The following SCLT1 variants were observed in gnomAD, a reference collection of about 807,000 sequenced individuals.
The protein encoded by SCLT1 is sodium channel-associated protein 1.
A neutral mutation model predicts 112.8 loss-of-function variants in SCLT1; 78 were observed. The observed-to-expected ratio is 0.69, with a 90% CI of 0.58 to 0.83. The LOEUF is 0.83. Among genes scored for constraint, SCLT1 ranks in the 40% least tolerant of loss-of-function variants. SCLT1 has a pLI of 0.00. For missense variants in SCLT1, 747 were observed against 770.4 expected (o/e 0.97, Z 0.36); for synonymous variants, 257 against 254.7 (o/e 1.01, Z -0.09).
At chr4:128,910,419 TGAG>T (rs1735003428) in intron 18 of SCLT1, among the ~76,000 whole-genome samples, 1 of 152,258 alleles carries the variant, frequency 6.6e-6, no homozygotes, top group Non-Finnish European at 1.5e-5. Flanking sequence ...TTTGAACCAC[TGAG>T]TTCACATACT....
intron 5 of SCLT1, 122 bp downstream of exon 5, chr4:129,038,919 A>C (rs1747427041): frequency 2.9e-6 from 2 of 685,718 alleles, no homozygotes; most frequent in Non-Finnish European, 5.2e-6. Context: ...AGTCAAATAG[A>C]AAATCAGCCC....
Position 128,999,814 on chromosome 4 carries a change from A to T in SCLT1, c.427-20T>A, listed in dbSNP as rs13118479. ...TTTTTCCTATTAAAAAAGTTTGATA[A>T]CTCATTAAATTATCAGCAGGCTATT... is the stretch of plus-strand genomic sequence containing the variant. On this transcript the variant is annotated intron_variant, in intron 6 of 20. Transcript: ENST00000281142. 110,205 of 1,571,004 alleles carry T rather than the reference A, an allele frequency of 0.07. 4,632 individuals are homozygous for T. Among genetic ancestry groups the T allele is most frequent in the Middle Eastern group, 0.13 (768 of 5,900 alleles).
intron 5 of SCLT1, among the ~76,000 whole-genome samples, chr4:129,008,281 C>G (rs1045149155): frequency 5.3e-5 from 8 of 152,166 alleles, no homozygotes; most frequent in African/African-American, 1.2e-4. Context: ...TCTTGAAGAA[C>G]ATTTCGCTGA....
chr4:129,044,438 A>T (rs1411489516), intron 2 of SCLT1, among the ~76,000 whole-genome samples: 1 of 152,064 alleles, frequency 6.6e-6, no homozygotes, highest in Admixed American at 6.6e-5. Flanking sequence ...ATACACGAAA[A>T]GTCACCAGAC....
At chr4:129,049,626 T>TA (rs56961720) in intron 2 of SCLT1, among the ~76,000 whole-genome samples, 39,856 of 135,592 alleles carry the variant, frequency 0.29, 5,577 homozygotes, top group South Asian at 0.37. Flanking sequence ...ACTTAAAGTA[T>TA]AAAAAAAAAA....
At chr4:128,947,620 A>G (rs1460061293) in intron 15 of SCLT1, among the ~76,000 whole-genome samples, 2 of 152,216 alleles carry the variant, frequency 1.3e-5, no homozygotes, top group Middle Eastern at 3.2e-3. Context: ...TGCAGCACCT[A>G]AAACACAGTA....
At chr4:128,907,541 A>G (rs1300383125) in intron 18 of SCLT1, among the ~76,000 whole-genome samples, 3 of 152,218 alleles carry the variant, frequency 2.0e-5, no homozygotes, top group African/African-American at 7.2e-5. Flanking sequence ...ATAGGATGAA[A>G]TAAAAATAAA....
intron 3 of SCLT1, 103 bp downstream of exon 3, chr4:129,043,890 G>A (rs1454228527): frequency 3.0e-6 from 2 of 659,034 alleles, no homozygotes; most frequent in African/African-American, 1.9e-5. Flanking sequence ...AAGCATTTAA[G>A]TTTAATAACA....
intron 5 of SCLT1, among the ~76,000 whole-genome samples, chr4:129,034,861 A>T (rs1048274813): frequency 2.6e-5 from 4 of 152,140 alleles, no homozygotes; most frequent in Non-Finnish European, 2.9e-5. Flanking sequence ...AATAAATTTT[A>T]TTTATAAAAA....
intron 2 of SCLT1, among the ~76,000 whole-genome samples, chr4:129,062,629 C>T (rs1323843949): frequency 2.6e-5 from 4 of 152,128 alleles, no homozygotes; most frequent in African/African-American, 9.7e-5. Flanking sequence ...AGCTTTATCT[C>T]TCCTACATTT....
chr4:128,970,335 A>C, intron 10 of SCLT1, 43 bp downstream of exon 10: 1 of 1,062,098 alleles, frequency 9.4e-7, no homozygotes, highest in South Asian at 1.3e-5. Flanking sequence ...ATAGAAAGAA[A>C]ACTAAGCAAT....
intron 4 of SCLT1, chr4:129,041,961 G>T (rs553244884): frequency 6.6e-6 from 1 of 152,258 alleles, no homozygotes; most frequent in Admixed American, 6.5e-5. Flanking sequence ...TGGCCAGGCT[G>T]GTCTTGAACT....
chr4:128,906,736 A>T (rs1280875786), intron 18 of SCLT1, among the ~76,000 whole-genome samples: 1 of 152,206 alleles, frequency 6.6e-6, no homozygotes, highest in East Asian at 1.9e-4. Flanking sequence ...CTCATTTAAT[A>T]AATACTGAAA....
intron 5 of SCLT1, among the ~76,000 whole-genome samples, chr4:129,025,681 T>C (rs1407064920): frequency 1.5e-4 from 23 of 152,016 alleles, no homozygotes; most frequent in Non-Finnish European, 2.9e-4. Context: ...AATGACAGGA[T>C]CAAATTCACA....
intron 14 of SCLT1, among the ~76,000 whole-genome samples, chr4:128,951,207 G>A (rs1738704788): frequency 6.6e-6 from 1 of 152,090 alleles, no homozygotes; most frequent in African/African-American, 2.4e-5. Flanking sequence ...AGGTTATTAT[G>A]CTTCAAACTG....
At chr4:128,939,050 G>A in intron 17 of SCLT1, among the ~76,000 whole-genome samples, 1 of 152,158 alleles carries the variant, frequency 6.6e-6, no homozygotes, top group East Asian at 1.9e-4. Flanking sequence ...TACAGTTTTA[G>A]AATTTGGCTG....
chr4:128,902,120 G>A (rs994050343), intron 18 of SCLT1, among the ~76,000 whole-genome samples: 1 of 152,026 alleles, frequency 6.6e-6, no homozygotes, highest in Admixed American at 6.6e-5. Flanking sequence ...GTCCAGGTTG[G>A]TCTCAAACTC....
chr4:129,082,800 T>G (rs1752058011), intron 1 of SCLT1, among the ~76,000 whole-genome samples: 1 of 152,108 alleles, frequency 6.6e-6, no homozygotes, highest in African/African-American at 2.4e-5. Context: ...AACCTCCACC[T>G]TAAGGAGAAA....
rs146291630 is a variant in SCLT1, at chr4:129,040,447, C to T, written c.235-1351G>A. Among the ~76,000 whole-genome samples the T allele has an allele frequency of 8.7e-4, 132 of 152,208 alleles. 2 individuals are homozygous for T. In the East Asian group the frequency reaches 0.022, roughly 25 times the overall value. On this transcript the variant is annotated intron_variant, in intron 4 of 20. Coordinates refer to ENST00000281142, the MANE Select transcript of SCLT1 (RefSeq NM_144643.4). ...TCTCCTAAGGTGGAGTGTGAGAGCA[C>T]GATCACAGCCCACTGCAGCCAATAA...
Sources: allele counts gnomAD v4.1 joint callset (sites outside exome capture counted in the v4.1 genomes callset), GRCh38; gene constraint gnomAD v4.1.1; transcripts MANE v1.5; gene names NCBI Gene and HGNC (gene_info 2026-07-23, HGNC 2026-07-21).